PCSK2: variants seen among roughly 807,000 people sequenced by gnomAD.
The protein encoded by PCSK2 is proprotein convertase subtilisin/kexin type 2, also known as neuroendocrine convertase 2.
Under a neutral mutation model 69.7 loss-of-function variants are expected in PCSK2, and 14 were observed. The observed-to-expected ratio is 0.20, with a 90% CI of 0.13 to 0.31. The LOEUF is 0.31. PCSK2 is among the 10% of genes least tolerant of loss of function. The pLI, the probability that PCSK2 is intolerant of heterozygous loss-of-function variation, is 1.00. For synonymous variants in PCSK2, 307 were observed against 320.7 expected, an observed-to-expected ratio of 0.96 and a Z score of 0.46; for missense variants, 544 against 842.5, an observed-to-expected ratio of 0.65 and a Z score of 4.39.
chr20:17,351,109 G>A (rs2029971618), intron 2 of PCSK2, among the ~76,000 whole-genome samples: 1 of 151,960 alleles, frequency 6.6e-6, no homozygotes, highest in South Asian at 2.1e-4. Flanking sequence ...AAATGCACAG[G>A]GATGTTTTCT....
At chr20:17,356,992 C>A (rs1237038377) in intron 2 of PCSK2, among the ~76,000 whole-genome samples, 1 of 152,094 alleles carries the variant, frequency 6.6e-6, no homozygotes, top group Non-Finnish European at 1.5e-5. Context: ...CCCAAATACA[C>A]TGGGGAGATT....
Position 17,482,265 on chromosome 20 carries a change from T to G in PCSK2, c.*195T>G. On this transcript the variant is annotated 3_prime_UTR_variant, in exon 12 of 12. Transcript: ENST00000262545. ...TCTTTTTTACTCTATGCCCCAAATA[T>G]AGCGTTCCCAACAACATCCATGTCC... 2.2e-6 allele frequency: 1 copy of G among 449,982 alleles called. No individual in the cohort carries two copies. The highest frequency in any genetic ancestry group is 3.7e-5 in the East Asian group (1 of 26,816). 27.9% of individuals were successfully genotyped at this position (449,982 alleles called of 1,614,324 possible). A position where few individuals can be genotyped will look rare whatever the true frequency, so the allele number is the denominator to read the frequency against.
intron 1 of PCSK2, among the ~76,000 whole-genome samples, chr20:17,232,020 T>C (rs868648032): frequency 3.9e-5 from 6 of 152,202 alleles, no homozygotes; most frequent in Non-Finnish European, 5.9e-5. Flanking sequence ...CCAGGATTGT[T>C]TTCCTTTTGG....
intron 2 of PCSK2, among the ~76,000 whole-genome samples, chr20:17,262,972 C>T (rs1987448448): frequency 6.6e-6 from 1 of 152,136 alleles, no homozygotes; most frequent in African/African-American, 2.4e-5. Flanking sequence ...GTCCCTGCAC[C>T]ACTTCCCAGC....
intron 2 of PCSK2, among the ~76,000 whole-genome samples, chr20:17,350,443 C>A (rs1023910813): frequency 6.6e-6 from 1 of 151,820 alleles, no homozygotes; most frequent in African/African-American, 2.4e-5. Flanking sequence ...CCCCTTTGCT[C>A]CCCTTTCTCC....
chr20:17,302,921 T>C (rs576588680), intron 2 of PCSK2, among the ~76,000 whole-genome samples: 2 of 152,254 alleles, frequency 1.3e-5, no homozygotes, highest in Admixed American at 1.3e-4. Context: ...TATTTAATAT[T>C]ACCCTTTTGT....
chr20:17,391,954 G>GGAAGGAA (rs1413048323), intron 5 of PCSK2, among the ~76,000 whole-genome samples: 1 of 34,954 alleles, frequency 2.9e-5, no homozygotes, highest in African/African-American at 1.0e-4. Context: ...GGAAGGGGAA[G>GGAAGGAA]GGAAAGAAGG....
At chr20:17,355,489 G>A (rs1051419244) in intron 2 of PCSK2, among the ~76,000 whole-genome samples, 3 of 152,182 alleles carry the variant, frequency 2.0e-5, no homozygotes, top group African/African-American at 4.8e-5. Flanking sequence ...TGGCCAAAGT[G>A]AGACACCTTC....
intron 11 of PCSK2, chr20:17,479,481 T>C: frequency 2.1e-6 from 1 of 475,938 alleles, no homozygotes; most frequent in African/African-American, 2.0e-5. Flanking sequence ...GCCTGGTATT[T>C]CATACATGGT....
chr20:17,326,238 A>G (rs914155731), intron 2 of PCSK2, among the ~76,000 whole-genome samples: 2 of 152,228 alleles, frequency 1.3e-5, no homozygotes, highest in African/African-American at 4.8e-5. Flanking sequence ...AGAAGCAAAC[A>G]GCCAAATGGC....
intron 5 of PCSK2, among the ~76,000 whole-genome samples, chr20:17,404,750 T>C (rs1427229221): frequency 6.6e-6 from 1 of 152,210 alleles, no homozygotes; most frequent in Admixed American, 6.5e-5. Context: ...TAGTGTGGGC[T>C]ATCAGAGGGC....
chr20:17,287,286 G>T (rs1988544955), intron 2 of PCSK2, among the ~76,000 whole-genome samples: 1 of 152,106 alleles, frequency 6.6e-6, no homozygotes, highest in African/African-American at 2.4e-5. Context: ...AGTCACAATA[G>T]ACATCGAAGG....
chr20:17,280,483 G>A (rs1988267949), intron 2 of PCSK2, among the ~76,000 whole-genome samples: 1 of 152,300 alleles, frequency 6.6e-6, no homozygotes, highest in Middle Eastern at 3.4e-3. Flanking sequence ...TTAGACACAG[G>A]CCCTTGTGTT....
At chr20:17,343,201 A>G (rs933904781) in intron 2 of PCSK2, among the ~76,000 whole-genome samples, 1 of 152,204 alleles carries the variant, frequency 6.6e-6, no homozygotes, top group Non-Finnish European at 1.5e-5. Context: ...AACTTCATAC[A>G]ACGCACACCA....
chr20:17,338,428 C>T (rs1262752482), intron 2 of PCSK2, among the ~76,000 whole-genome samples: 1 of 152,004 alleles, frequency 6.6e-6, no homozygotes, highest in Non-Finnish European at 1.5e-5. Context: ...AACTCCTGAC[C>T]TTTTGATCCA....
rs542952348 is a variant in PCSK2, at chr20:17,390,393, T to C, written c.544-18870T>C. Among the ~76,000 whole-genome samples, 4 of 152,248 alleles carry C rather than the reference T, an allele frequency of 2.6e-5. No individual in the cohort carries two copies. In the South Asian group the frequency reaches 8.3e-4, roughly 31 times the overall value. On this transcript the variant is annotated intron_variant, in intron 5 of 11. Coordinates refer to ENST00000262545, the MANE Select transcript of PCSK2 (RefSeq NM_002594.5). ...GCATGCTTAAGATCACATATGCTAC[T>C]GTAAATTATACCTCAATTAAAAAAC...
chr20:17,270,820 A>T (rs1204966711), intron 2 of PCSK2, among the ~76,000 whole-genome samples: 1 of 152,144 alleles, frequency 6.6e-6, no homozygotes, highest in Admixed American at 6.6e-5. Flanking sequence ...GGAACATGAT[A>T]GAGTCCAATT....
At chr20:17,281,595 A>G (rs890633577) in intron 2 of PCSK2, among the ~76,000 whole-genome samples, 2 of 152,150 alleles carry the variant, frequency 1.3e-5, no homozygotes, top group Non-Finnish European at 2.9e-5. Flanking sequence ...ATTCTAATTA[A>G]TCTGCCCACT....
intron 2 of PCSK2, among the ~76,000 whole-genome samples, chr20:17,278,023 C>G (rs1316097174): frequency 6.6e-6 from 1 of 152,016 alleles, no homozygotes; most frequent in East Asian, 1.9e-4. Flanking sequence ...CAATGAGATA[C>G]CATCTCACAC....
Sources: gnomAD v4.1 joint callset for allele counts (sites outside exome capture counted in the v4.1 genomes callset) on GRCh38, gnomAD v4.1.1 for gene constraint, MANE v1.5 for transcripts, NCBI Gene and HGNC (gene_info 2026-07-23, HGNC 2026-07-21) for gene names.